The following CUL3 variants were observed in gnomAD, a reference collection of about 807,000 sequenced individuals.
CUL3 encodes cullin 3, also known as cullin-3.
Under a neutral mutation model 89.1 loss-of-function variants are expected in CUL3, and 19 were observed. The observed-to-expected ratio is 0.21, with a 90% CI of 0.15 to 0.31. The LOEUF (loss-of-function observed/expected upper bound fraction) is 0.31. CUL3 is among the 10% of genes least tolerant of loss of function. The probability of loss-of-function intolerance (pLI) is 1.00; values close to 1 mark genes in which losing one functional copy is unlikely to be tolerated. For missense variants in CUL3, 469 were observed against 942.3 expected (o/e 0.50, Z 6.58); for synonymous variants, 351 against 308.4 (o/e 1.14, Z -1.45).
chr2:224,543,137 TTAAAAAC>T (rs1694178275), intron 2 of CUL3, among the ~76,000 whole-genome samples: 1 of 152,292 alleles, frequency 6.6e-6, no homozygotes, highest in Non-Finnish European at 1.5e-5. Flanking sequence ...CTAAAACAAA[TTAAAAAC>T]TTTAATTCTA....
intron 5 of CUL3, among the ~76,000 whole-genome samples, chr2:224,512,251 A>G (rs1013201638): frequency 2.0e-5 from 3 of 151,918 alleles, no homozygotes; most frequent in African/African-American, 4.8e-5. Flanking sequence ...GCCCGCCACC[A>G]CGCCCGGCTA....
chr2:224,475,816 C>T (rs980850553), intron 15 of CUL3, among the ~76,000 whole-genome samples: 6 of 152,116 alleles, frequency 3.9e-5, no homozygotes, highest in African/African-American at 1.4e-4. Context: ...TGGTCCTATC[C>T]CATAAACACT....
At chr2:224,484,415 T>C (rs1428375665) in intron 13 of CUL3, among the ~76,000 whole-genome samples, 2 of 152,154 alleles carry the variant, frequency 1.3e-5, no homozygotes, top group South Asian at 2.1e-4. Context: ...ATGCTTTCTC[T>C]ATCTATATTC....
At position 224,481,883 on chromosome 2, in the gene CUL3, T is replaced by G; in HGVS notation, c.2029+9A>C. The stretch of plus-strand genomic sequence containing the variant: ...AATTTTTTGAGAGGAAAAATATAAT[T>G]CCAGATACCTGTTTGAATCTTGACT... On this transcript the variant is annotated intron_variant, in intron 14 of 15. Transcript: ENST00000264414. 6.9e-7 allele frequency: 1 copy of G among 1,451,966 alleles called. No homozygotes were observed. Among genetic ancestry groups the G allele is most frequent in the Non-Finnish European group, 9.1e-7 (1 of 1,097,624 alleles). The allele number at this position is 1,451,966 out of a possible 1,614,324, so 89.9% of individuals were successfully genotyped here. A position where few individuals can be genotyped will look rare whatever the true frequency, so the allele number is the denominator to read the frequency against.
At chr2:224,529,486 G>A (rs923868294) in intron 3 of CUL3, among the ~76,000 whole-genome samples, 14 of 151,492 alleles carry the variant, frequency 9.2e-5, no homozygotes, top group Admixed American at 3.3e-4. Flanking sequence ...AAAATTAGCC[G>A]GGTGTGGTGG....
rs751205694 is a variant in CUL3 at position 224,495,820 on chromosome 2, C to G, written c.1842+12G>C. On this transcript the variant is annotated intron_variant, in intron 13 of 15. Coordinates refer to ENST00000264414, the MANE Select transcript of CUL3 (RefSeq NM_003590.5). ...ACAACACAGTTAAAATGTATATAAC[C>G]ACAATCCATACCTCAAATGTGTATT... 1 of 1,599,232 alleles carries G rather than the reference C, an allele frequency of 6.3e-7. No homozygotes were observed. The highest frequency in any genetic ancestry group is 8.5e-7 in the Non-Finnish European group (1 of 1,170,318).
chr2:224,542,321 A>C (rs1342867374), intron 2 of CUL3, among the ~76,000 whole-genome samples: 3 of 152,286 alleles, frequency 2.0e-5, no homozygotes, highest in Non-Finnish European at 2.9e-5. Flanking sequence ...TACTGTCAAA[A>C]GGAAACCTTT....
At chr2:224,530,128 A>G (rs1693637251) in intron 3 of CUL3, among the ~76,000 whole-genome samples, 1 of 152,074 alleles carries the variant, frequency 6.6e-6, no homozygotes, top group Admixed American at 6.6e-5. Context: ...AGTCCCAACT[A>G]CTCAGGAGGC....
At chr2:224,481,029 A>G (rs1375903348) in intron 14 of CUL3, among the ~76,000 whole-genome samples, 2 of 152,166 alleles carry the variant, frequency 1.3e-5, no homozygotes, top group Non-Finnish European at 2.9e-5. Flanking sequence ...TTAAGTGTGC[A>G]TATAAAGCTC....
chr2:224,541,506 C>T (rs190455212), intron 2 of CUL3, among the ~76,000 whole-genome samples: 20 of 152,308 alleles, frequency 1.3e-4, no homozygotes, highest in Non-Finnish European at 2.4e-4. Context: ...TACCAGAAAA[C>T]AGTTTGGCAG....
chr2:224,483,953 A>G (rs1366630343), intron 13 of CUL3, among the ~76,000 whole-genome samples: 2 of 152,084 alleles, frequency 1.3e-5, no homozygotes, highest in East Asian at 3.9e-4. Flanking sequence ...ACTTTGGGAG[A>G]CCAAAGTAAG....
chr2:224,501,339 G>T (rs1692381127), intron 10 of CUL3, among the ~76,000 whole-genome samples: 1 of 152,196 alleles, frequency 6.6e-6, no homozygotes, highest in South Asian at 2.1e-4. Context: ...CAGAGCAGGT[G>T]CTCTACAAAT....
intron 1 of CUL3, among the ~76,000 whole-genome samples, chr2:224,566,482 A>G (rs1695042815): frequency 1.3e-5 from 2 of 152,168 alleles, no homozygotes; most frequent in African/African-American, 2.4e-5. Context: ...TTACTAGTCA[A>G]TATCCTTTGT....
At chr2:224,526,447 G>A (rs747534762) in intron 3 of CUL3, among the ~76,000 whole-genome samples, 7 of 151,828 alleles carry the variant, frequency 4.6e-5, no homozygotes, top group Non-Finnish European at 8.8e-5. Context: ...TTAGCTGGAC[G>A]TGGTGGTGGG....
chr2:224,548,933 C>T (rs960785527), intron 2 of CUL3, among the ~76,000 whole-genome samples: 3 of 151,870 alleles, frequency 2.0e-5, no homozygotes, highest in Admixed American at 1.3e-4. Flanking sequence ...GCCTGGGAGG[C>T]GGAGAATGCA....
At chr2:224,564,170 C>G (rs1694983019) in intron 1 of CUL3, among the ~76,000 whole-genome samples, 1 of 152,144 alleles carries the variant, frequency 6.6e-6, no homozygotes, top group South Asian at 2.1e-4. Context: ...CCTGTAATCT[C>G]AGCTACTTGG....
intron 2 of CUL3, among the ~76,000 whole-genome samples, chr2:224,546,485 T>C (rs1415245221): frequency 2.6e-5 from 4 of 152,136 alleles, no homozygotes; most frequent in East Asian, 1.9e-4. Context: ...CAGCTATTTG[T>C]GGCTATGAAC....
At chr2:224,533,583 C>CGTA (rs1485009873) in intron 3 of CUL3, among the ~76,000 whole-genome samples, 1 of 152,008 alleles carries the variant, frequency 6.6e-6, no homozygotes, top group Admixed American at 6.5e-5. Flanking sequence ...AAGAATAAAC[C>CGTA]GTAAGATTAC....
chr2:224,501,860 T>A (rs1452730261), intron 10 of CUL3, among the ~76,000 whole-genome samples: 1 of 152,060 alleles, frequency 6.6e-6, no homozygotes, highest in Non-Finnish European at 1.5e-5. Context: ...GTAAGATTAG[T>A]GGAAGAAAAA....
Sources: allele counts gnomAD v4.1 joint callset (sites outside exome capture counted in the v4.1 genomes callset), GRCh38; gene constraint gnomAD v4.1.1; transcripts MANE v1.5; gene names NCBI Gene and HGNC (gene_info 2026-07-23, HGNC 2026-07-21).